The following TNFSF13B variants were observed in gnomAD, a reference collection of about 807,000 sequenced individuals.
TNFSF13B encodes the protein TNF superfamily member 13b.
In TNFSF13B, 8 loss-of-function variants were observed where a neutral mutation model predicts 29.1. That is an observed-to-expected ratio of 0.27 (90% CI 0.16 to 0.50). The LOEUF is 0.50. Among genes scored for constraint, TNFSF13B ranks in the 20% least tolerant of loss-of-function variants. The pLI, the probability that TNFSF13B is intolerant of heterozygous loss-of-function variation, is 0.98. For missense variants in TNFSF13B, 248 were observed against 334.9 expected (o/e 0.74, Z 2.03); for synonymous variants, 125 against 130.8 (o/e 0.96, Z 0.30).
chr13:108,296,564 C>A lies in TNFSF13B; in HGVS notation c.482-6689C>A, dbSNP rs1474304979. On this transcript the variant is annotated intron_variant, in intron 3 of 5. Transcript: ENST00000375887. The stretch of plus-strand genomic sequence containing the variant: ...TTGGGCTTTTAAAAAAATTATTTTA[C>A]CAATCTCTGTATTTTAATTGCCAAA... Among the ~76,000 whole-genome samples, 8 of 145,396 alleles carry A rather than the reference C, an allele frequency of 5.5e-5. 2 individuals carry two copies. The highest frequency in any genetic ancestry group is 2.1e-4 in the African/African-American group (8 of 38,744).
At chr13:108,298,990 AAAAACAAACAAACAAAC>A (rs1881534121) in intron 3 of TNFSF13B, among the ~76,000 whole-genome samples, 1 of 130,030 alleles carries the variant, frequency 7.7e-6, no homozygotes, top group Non-Finnish European at 1.7e-5. Context: ...CAAACAAACA[AAAAACAAACAAACAAAC>A]AAAACATTGC....
Position 108,307,937 on chromosome 13 carries a change from G to A in TNFSF13B, c.*999G>A, listed in dbSNP as rs1183938844. ...TTTTAATTAAAATTCTTGGCATCCT[G>A]AAGTATGTCACATAGCATGTGCTCC... On this transcript the variant is annotated 3_prime_UTR_variant, in exon 6 of 6. Coordinates refer to ENST00000375887, the MANE Select transcript of TNFSF13B (RefSeq NM_006573.5). 4 of 152,034 alleles carry A rather than the reference G, an allele frequency of 2.6e-5. No homozygotes were observed. Among genetic ancestry groups the A allele is most frequent in the Admixed American group, 1.3e-4 (2 of 15,246 alleles). 9.4% of individuals were successfully genotyped at this position (152,034 alleles called of 1,614,324 possible).
intron 2 of TNFSF13B, among the ~76,000 whole-genome samples, chr13:108,277,833 G>C (rs943099329): frequency 1.3e-5 from 2 of 152,112 alleles, no homozygotes; most frequent in African/African-American, 4.8e-5. Flanking sequence ...GGTTTTGGTG[G>C]GTTTTGGCTG....
At chr13:108,270,868 T>C (rs1880593821) in intron 2 of TNFSF13B, among the ~76,000 whole-genome samples, 1 of 152,190 alleles carries the variant, frequency 6.6e-6, no homozygotes, top group Non-Finnish European at 1.5e-5. Flanking sequence ...GTACATTACA[T>C]GTTGTGAAAC....
chr13:108,299,525 T>C (rs1307794487), intron 3 of TNFSF13B, among the ~76,000 whole-genome samples: 1 of 152,148 alleles, frequency 6.6e-6, no homozygotes, highest in Non-Finnish European at 1.5e-5. Context: ...TTGTCCTGTG[T>C]GGACACAGGA....
intron 2 of TNFSF13B, among the ~76,000 whole-genome samples, chr13:108,276,766 A>ATT (rs139233720): frequency 6.6e-6 from 1 of 151,782 alleles, no homozygotes; most frequent in African/African-American, 2.4e-5. Flanking sequence ...ACTTTTGACT[A>ATT]TTTTTTTTAA....
chr13:108,303,645 G>T (rs561746440), intron 5 of TNFSF13B, 41 bp downstream of exon 5: 2 of 1,570,664 alleles, frequency 1.3e-6, no homozygotes. Flanking sequence ...GTGAAATGAA[G>T]AGACTTTGAC....
intron 2 of TNFSF13B, among the ~76,000 whole-genome samples, chr13:108,279,957 G>A (rs1293683286): frequency 2.0e-5 from 3 of 151,856 alleles, no homozygotes; most frequent in African/African-American, 4.8e-5. Context: ...TCAAATGCCC[G>A]GCCCGGGCAC....
At chr13:108,282,792 T>A (rs1880993124) in intron 2 of TNFSF13B, among the ~76,000 whole-genome samples, 1 of 152,164 alleles carries the variant, frequency 6.6e-6, no homozygotes, top group South Asian at 2.1e-4. Context: ...GAAATGTGTC[T>A]CCATAGGCTC....
intron 2 of TNFSF13B, among the ~76,000 whole-genome samples, 180 bp downstream of exon 2, chr13:108,270,604 A>G (rs761481080): frequency 1.4e-4 from 21 of 152,294 alleles, no homozygotes; most frequent in Middle Eastern, 6.8e-3. Flanking sequence ...AACAGGCTGC[A>G]TGGGTGTGCT....
chr13:108,274,168 G>A (rs767698144), intron 2 of TNFSF13B, among the ~76,000 whole-genome samples: 61 of 152,042 alleles, frequency 4.0e-4, no homozygotes, highest in Middle Eastern at 3.4e-3. Context: ...GTCAACAGTG[G>A]GCTGTTAGTA....
At chr13:108,289,131 C>T (rs1881230037) in intron 3 of TNFSF13B, among the ~76,000 whole-genome samples, 1 of 152,074 alleles carries the variant, frequency 6.6e-6, no homozygotes, top group African/African-American at 2.4e-5. Flanking sequence ...TTTAAAAATT[C>T]TTTTGAAAAG....
At chr13:108,278,927 G>C (rs891112134) in intron 2 of TNFSF13B, among the ~76,000 whole-genome samples, 8 of 152,044 alleles carry the variant, frequency 5.3e-5, no homozygotes, top group Non-Finnish European at 1.2e-4. Context: ...AAATATTATA[G>C]AGTGCTACAC....
At chr13:108,290,601 C>T (rs990252045) in intron 3 of TNFSF13B, among the ~76,000 whole-genome samples, 4 of 151,838 alleles carry the variant, frequency 2.6e-5, no homozygotes, top group Admixed American at 2.6e-4. Flanking sequence ...TTTCTGTGAG[C>T]CATCTGTTCA....
intron 3 of TNFSF13B, among the ~76,000 whole-genome samples, chr13:108,292,093 C>T (rs1287501521): frequency 6.6e-6 from 1 of 152,040 alleles, no homozygotes. Flanking sequence ...TCTTCAGCCC[C>T]AGAGAAAATC....
intron 2 of TNFSF13B, among the ~76,000 whole-genome samples, chr13:108,286,443 T>C (rs1389581900): frequency 6.6e-6 from 1 of 152,072 alleles, no homozygotes; most frequent in Non-Finnish European, 1.5e-5. Context: ...AAACCAAAGA[T>C]TGTTTAGAAT....
chr13:108,291,048 T>G (rs973542193), intron 3 of TNFSF13B, among the ~76,000 whole-genome samples: 1 of 151,932 alleles, frequency 6.6e-6, no homozygotes, highest in African/African-American at 2.4e-5. Flanking sequence ...AAATTCCATG[T>G]TTAGTCTATG....
chr13:108,286,413 ATTT>A (rs1881134045), intron 2 of TNFSF13B, among the ~76,000 whole-genome samples: 1 of 151,966 alleles, frequency 6.6e-6, no homozygotes, highest in African/African-American at 2.4e-5. Flanking sequence ...GTAGGTCATT[ATTT>A]AATGTTAGAT....
chr13:108,286,590 A>C (rs1319333396), intron 2 of TNFSF13B, among the ~76,000 whole-genome samples: 1 of 151,874 alleles, frequency 6.6e-6, no homozygotes, highest in Admixed American at 6.6e-5. Flanking sequence ...CAGCACATAG[A>C]GCTTTTCTGA....
Sources: allele counts gnomAD v4.1 joint callset (sites outside exome capture counted in the v4.1 genomes callset), GRCh38; gene constraint gnomAD v4.1.1; transcripts MANE v1.5; gene names NCBI Gene and HGNC (gene_info 2026-07-23, HGNC 2026-07-21).